Variants in ZNF12 observed in about 807,000 individuals in gnomAD.
The protein encoded by ZNF12 is gonadotropin inducible transcription repressor 3.
A neutral mutation model predicts 66.6 loss-of-function variants in ZNF12; 34 were observed. The observed-to-expected ratio is 0.51, with a 90% CI of 0.39 to 0.68. ZNF12 has a LOEUF of 0.68. Ranked by LOEUF, ZNF12 falls within the 30% of genes least tolerant of loss-of-function variation. ZNF12 has a pLI of 0.00. For synonymous variants in ZNF12, 320 were observed against 278.9 expected (o/e 1.15, Z -1.47); for missense variants, 697 against 826.9 (o/e 0.84, Z 1.93).
Position 6,697,662 on chromosome 7 carries a change from C to T in ZNF12, c.142+23G>A, listed in dbSNP as rs1780173618. On this transcript the variant is annotated intron_variant, in intron 3 of 4. Transcript: ENST00000405858. This position sits in a 1 kb window ranked among gnomAD's most constrained non-coding sequence, Gnocchi z 6.1. The stretch of plus-strand genomic sequence containing the variant: ...TGAGAAATCCCATATATTTTAGCAA[C>T]TGAGAAAGCAAGCTATCCTCACCCA... The T allele has an allele frequency of 6.2e-7, 1 of 1,612,690 alleles. No homozygotes were observed. The highest frequency in any genetic ancestry group is 1.1e-5 in the South Asian group (1 of 90,682).
At chr7:6,703,039 TAC>T (rs10548883) in intron 2 of ZNF12, among the ~76,000 whole-genome samples, 32,688 of 132,826 alleles carry the variant, frequency 0.25, 3,729 homozygotes, top group African/African-American at 0.32. Context: ...GCTCCCAAAC[TAC>T]ACACACACAC....
chr7:6,693,642 G>C (rs1780109893), intron 4 of ZNF12, among the ~76,000 whole-genome samples: 1 of 152,238 alleles, frequency 6.6e-6, no homozygotes, highest in Non-Finnish European at 1.5e-5. Context: ...GCCAAATGGA[G>C]ATAATGGCAC....
Position 6,697,611 on chromosome 7 carries a change from AT to A in ZNF12, c.142+73del. 1 of 1,599,304 alleles carries A rather than the reference AT, an allele frequency of 6.3e-7. No individual in the cohort carries two copies. The highest frequency in any genetic ancestry group is 1.1e-5 in the South Asian group (1 of 88,940). Reference sequence around the variant, plus strand: ...AGATTACTCACATTCGTCCCATCAAATTTTAAGTTAAAGTCATAAAATTTGT... The same window carrying A: ...AGATTACTCACATTCGTCCCATCAAATTTAAGTTAAAGTCATAAAATTTGT... On this transcript the variant is annotated intron_variant, in intron 3 of 4. Transcript: ENST00000405858. This position sits in a 1 kb window ranked among gnomAD's most constrained non-coding sequence, Gnocchi z 6.1.
At chr7:6,693,846 GAGT>G (rs1222358099) in intron 4 of ZNF12, among the ~76,000 whole-genome samples, 20 of 152,248 alleles carry the variant, frequency 1.3e-4, no homozygotes, top group African/African-American at 4.8e-4. Flanking sequence ...TCCCACTCCT[GAGT>G]AGCATTTAGT....
In ZNF12 at chr7:6,706,225, G is replaced by A. The variant is rs1409936382; in HGVS notation, c.-51+207C>T. Among the ~76,000 whole-genome samples the A allele has an allele frequency of 9.8e-5, 15 of 152,288 alleles. No homozygotes were observed. The East Asian group carries it at 2.7e-3, about 27-fold the overall frequency. On this transcript the variant is annotated intron_variant, in intron 1 of 4. Transcript: ENST00000405858. ...AGGAAGGGCTGCTGGGGTGAGGGGG[G>A]AGTGGAGACAACGTCCGCAGCTGAG...
Position 6,706,859 on chromosome 7 carries a change from G to C in ZNF12, c.-478C>G, listed in dbSNP as rs1277103693. On this transcript the variant is annotated 5_prime_UTR_variant, in exon 1 of 5. Coordinates refer to ENST00000405858, the MANE Select transcript of ZNF12 (RefSeq NM_016265.4). ...GCCCGGCTCTTCGGCGCCCAGCCCC[G>C]CAGGCTCCGCGATTCTCGCCCACCG... The C allele has an allele frequency of 2.6e-6, 1 of 389,916 alleles. No individual in the cohort carries two copies. The highest frequency in any genetic ancestry group is 5.0e-6 in the Non-Finnish European group (1 of 198,388). 24.2% of individuals were successfully genotyped at this position (389,916 alleles called of 1,614,324 possible).
In ZNF12 at chr7:6,691,048, G is replaced by T. The variant is rs1780059313; in HGVS notation, c.1894C>A (p.Pro632Thr). ...TTTCCACACTCATTACATTCAAAGGGTTTCTCTCCTGAATGAATTCGATGA... is the reference window on the plus strand; with the variant it reads ...TTTCCACACTCATTACATTCAAAGGTTTTCTCTCCTGAATGAATTCGATGA... ...IHHRIHSGEKPFECNECGKAF... is the reference protein window; with the variant it reads ...IHHRIHSGEKTFECNECGKAF... The change falls in exon 5 of 5, where the codon CCC (proline) becomes ACC (threonine). Residue 632 changes from proline (P) to threonine (T), a missense_variant. This residue lies in a region of ZNF12 where 401 missense variants were observed against 519.0 expected (regional missense o/e 0.77). Coordinates refer to ENST00000405858, the MANE Select transcript of ZNF12 (RefSeq NM_016265.4). The T allele has an allele frequency of 1.2e-6, 2 of 1,613,980 alleles. No homozygotes were observed. The highest frequency in any genetic ancestry group is 1.7e-6 in the Non-Finnish European group (2 of 1,180,016).
chr7:6,696,221 A>C lies in ZNF12; in HGVS notation c.238+1118T>G, dbSNP rs1176498972. Among the ~76,000 whole-genome samples, 2 of 152,232 alleles carry C rather than the reference A, an allele frequency of 1.3e-5. No individual in the cohort carries two copies. The highest frequency in any genetic ancestry group is 2.4e-5 in the African/African-American group (1 of 41,456). The stretch of plus-strand genomic sequence containing the variant: ...GGAAACTGAGGATATACAGAGGACA[A>C]TGAAGACATTTCACACTGGACAAAA... On this transcript the variant is annotated intron_variant, in intron 4 of 4. Coordinates refer to ENST00000405858, the MANE Select transcript of ZNF12 (RefSeq NM_016265.4). This position sits in a 1 kb window ranked among gnomAD's most constrained non-coding sequence, Gnocchi z 4.0.
Position 6,692,502 on chromosome 7 carries a change from A to T in ZNF12, c.440T>A (p.Leu147Ter). The T allele has an allele frequency of 6.2e-7, 1 of 1,613,466 alleles. No individual in the cohort carries two copies. ...ACTAATATATTCTGAAACAGACGTT[A>T]AACACTTTTCACATGAGTCACAGAG... is the stretch of plus-strand genomic sequence containing the variant. ...NSLCDSCEKC[L>*]TSVSEYISSD... The change falls in exon 5 of 5, where the codon TTA becomes TAA. Residue 147 changes from leucine to a stop codon, truncating the protein, a stop_gained. Coordinates refer to ENST00000405858, the MANE Select transcript of ZNF12 (RefSeq NM_016265.4). LOFTEE classifies it high-confidence loss of function. This position sits in a 1 kb window ranked among gnomAD's most constrained non-coding sequence, Gnocchi z 5.1.
intron 1 of ZNF12, among the ~76,000 whole-genome samples, chr7:6,706,219 AG>A (rs963824572): frequency 2.6e-5 from 4 of 152,148 alleles, no homozygotes; most frequent in African/African-American, 4.8e-5. Context: ...TGCTGGGGTG[AG>A]GGGGGAGTGG....
rs1035617483 is a variant in ZNF12, at chr7:6,705,109, G to C, written c.15+50C>G. On this transcript the variant is annotated intron_variant, in intron 2 of 4. Coordinates refer to ENST00000405858, the MANE Select transcript of ZNF12 (RefSeq NM_016265.4). The surrounding 1 kb of genome is among the most constrained non-coding windows in gnomAD (Gnocchi z 4.0). ...TTTGAACCCTTAATCTCCTCCTAAG[G>C]TGTATTGTAAATCAGAGTAGAGAAT... is the stretch of plus-strand genomic sequence containing the variant. 5.6e-6 allele frequency: 9 copies of C among 1,602,210 alleles called. No individual in the cohort carries two copies. The highest frequency in any genetic ancestry group is 4.5e-5 in the South Asian group (4 of 89,856).
Position 6,698,059 on chromosome 7 carries a change from G to A in ZNF12, c.16-248C>T. 3 of 695,512 alleles carry A rather than the reference G, an allele frequency of 4.3e-6. No individual in the cohort carries two copies. Among genetic ancestry groups the A allele is most frequent in the Non-Finnish European group, 8.0e-6 (3 of 375,350 alleles). 43.1% of individuals were successfully genotyped at this position (695,512 alleles called of 1,614,324 possible). The stretch of plus-strand genomic sequence containing the variant: ...CGGTGAGCCAGAAACAATCCTGGCT[G>A]TTGGGAACTCTTAACACCAGCAGGG... On this transcript the variant is annotated intron_variant, in intron 2 of 4. Transcript: ENST00000405858. This position sits in a 1 kb window ranked among gnomAD's most constrained non-coding sequence, Gnocchi z 4.4.
chr7:6,705,957 G>A lies in ZNF12; in HGVS notation c.-51+475C>T, dbSNP rs1780348989. 6.6e-6 allele frequency among the ~76,000 whole-genome samples: 1 copy of A among 152,088 alleles called. No individual in the cohort carries two copies. Among genetic ancestry groups the A allele is most frequent in the Non-Finnish European group, 1.5e-5 (1 of 68,020 alleles). Reference sequence around the variant, plus strand: ...GATACGGGGGACAGAACACTGGCCTGGGAGATAAAACTCCAGAGTTCTACT... The same window carrying A: ...GATACGGGGGACAGAACACTGGCCTAGGAGATAAAACTCCAGAGTTCTACT... On this transcript the variant is annotated intron_variant, in intron 1 of 4. Coordinates refer to ENST00000405858, the MANE Select transcript of ZNF12 (RefSeq NM_016265.4). This position sits in a 1 kb window ranked among gnomAD's most constrained non-coding sequence, Gnocchi z 4.0.
chr7:6,700,900 C>T (rs1489501677), intron 2 of ZNF12: 1 of 152,198 alleles, frequency 6.6e-6, no homozygotes, highest in Admixed American at 6.5e-5. Flanking sequence ...CTGGCAAATG[C>T]CACCTTTCCC....
chr7:6,690,898 T>C lies in ZNF12; in HGVS notation c.2044A>G (p.Ile682Val). 1 of 1,613,982 alleles carries C rather than the reference T, an allele frequency of 6.2e-7. No homozygotes were observed. Among genetic ancestry groups the C allele is most frequent in the South Asian group, 1.1e-5 (1 of 91,072 alleles). Residue 682 changes from isoleucine to valine, a missense_variant, in exon 5 of 5, where the codon ATT (isoleucine) becomes GTT (valine). Ile to Val is a conservative substitution (Grantham distance 29, BLOSUM62 3). Coordinates refer to ENST00000405858, the MANE Select transcript of ZNF12 (RefSeq NM_016265.4). ...ACATTCATATTGCCTCTCCTATGAA[T>C]TCTCTGATGGCTGTTGAATGCTGAT... Reference protein sequence around the residue: ...HKSAFNSHQRIHRRGNMNVID... With the variant: ...HKSAFNSHQRVHRRGNMNVID...
rs1350250022 is a variant in ZNF12, at chr7:6,690,695, A to G, written c.*153T>C. 1.3e-5 allele frequency: 10 copies of G among 745,562 alleles called. No individual in the cohort carries two copies. The highest frequency in any genetic ancestry group is 2.1e-5 in the Non-Finnish European group (10 of 478,032). 46.2% of individuals were successfully genotyped at this position (745,562 alleles called of 1,614,324 possible). A position where few individuals can be genotyped will look rare whatever the true frequency, so the allele number is the denominator to read the frequency against. ...TGGTCTTGTTATAATCATGGTTTCCATTCTGTGAGTCTTCAGATTATGAGT... is the reference window on the plus strand; with the variant it reads ...TGGTCTTGTTATAATCATGGTTTCCGTTCTGTGAGTCTTCAGATTATGAGT... On this transcript the variant is annotated 3_prime_UTR_variant, in exon 5 of 5. Coordinates refer to ENST00000405858, the MANE Select transcript of ZNF12 (RefSeq NM_016265.4).
Position 6,697,555 on chromosome 7 carries a change from G to T in ZNF12, c.143-121C>A. ...CAGAACTTTTCACGGGGGAGATCAAGACCAAAATGCCCTGCCTGGTGCCCA... is the reference window on the plus strand; with the variant it reads ...CAGAACTTTTCACGGGGGAGATCAATACCAAAATGCCCTGCCTGGTGCCCA... On this transcript the variant is annotated intron_variant, in intron 3 of 4. Coordinates refer to ENST00000405858, the MANE Select transcript of ZNF12 (RefSeq NM_016265.4). The surrounding 1 kb of genome is among the most constrained non-coding windows in gnomAD (Gnocchi z 6.1). The T allele has an allele frequency of 3.9e-6, 6 of 1,529,670 alleles. No homozygotes were observed. Among genetic ancestry groups the T allele is most frequent in the Non-Finnish European group, 5.4e-6 (6 of 1,119,204 alleles). 94.8% of individuals were successfully genotyped at this position (1,529,670 alleles called of 1,614,324 possible).
Position 6,705,263 on chromosome 7 carries a change from C to A in ZNF12, c.-50-40G>T. ...CCCAAGCCATGGCGTTATGAGCGGT[C>A]TGGCCTGCCAAGGCGGTCATCTCCC... is the stretch of plus-strand genomic sequence containing the variant. On this transcript the variant is annotated intron_variant, in intron 1 of 4. Transcript: ENST00000405858. The surrounding 1 kb of genome is among the most constrained non-coding windows in gnomAD (Gnocchi z 4.0). 6.5e-7 allele frequency: 1 copy of A among 1,544,670 alleles called. No homozygotes were observed. Among genetic ancestry groups the A allele is most frequent in the South Asian group, 1.1e-5 (1 of 88,038 alleles).
chr7:6,697,893 TAACCATG>T lies in ZNF12; in HGVS notation c.16-89_16-83del, dbSNP rs1223779077. 2.7e-6 allele frequency: 4 copies of T among 1,482,802 alleles called. No individual in the cohort carries two copies. In the African/African-American group the frequency reaches 5.5e-5, roughly 21 times the overall value. 91.9% of individuals were successfully genotyped at this position (1,482,802 alleles called of 1,614,324 possible). A position where few individuals can be genotyped will look rare whatever the true frequency, so the allele number is the denominator to read the frequency against. ...ATCTTAGCATGCTCACTGGCAAAAT[TAACCATG>T]AACACTGTATACCTTTATTTTATGT... On this transcript the variant is annotated intron_variant, in intron 2 of 4. Transcript: ENST00000405858. This position sits in a 1 kb window ranked among gnomAD's most constrained non-coding sequence, Gnocchi z 6.1.
Sources: gnomAD v4.1 joint callset for allele counts (sites outside exome capture counted in the v4.1 genomes callset) on GRCh38, gnomAD v4.1.1 for gene constraint, gnomAD v4.1.1 regional missense constraint, Gnocchi (gnomAD v3.1) non-coding constraint, MANE v1.5 for transcripts, NCBI Gene and HGNC (gene_info 2026-07-23, HGNC 2026-07-21) for gene names.